The following ULK4 variants were observed in gnomAD, a reference collection of about 807,000 sequenced individuals.
ULK4 encodes inactive serine/threonine-protein kinase ULK4.
Under a neutral mutation model 160.6 loss-of-function variants are expected in ULK4, and 133 were observed. The ratio of observed to expected loss-of-function variants is 0.83; its 90% CI spans 0.72 to 0.96. ULK4 has a LOEUF of 0.96. ULK4 is among the 40% of genes least tolerant of loss of function. The pLI is 0.00. For missense variants in ULK4, 1,580 were observed against 1,499.5 expected, an observed-to-expected ratio of 1.05 and a Z score of -0.89; for synonymous variants, 534 against 539.8, an observed-to-expected ratio of 0.99 and a Z score of 0.15.
chr3:41,326,429 G>A (rs1342122835), intron 35 of ULK4, among the ~76,000 whole-genome samples: 1 of 150,082 alleles, frequency 6.7e-6, no homozygotes, highest in East Asian at 1.9e-4. Context: ...CTTAAAGAGA[G>A]TTATATTTAC....
At chr3:41,545,526 A>G (rs997723249) in intron 32 of ULK4, among the ~76,000 whole-genome samples, 4 of 152,188 alleles carry the variant, frequency 2.6e-5, no homozygotes, top group Admixed American at 2.0e-4. Flanking sequence ...CCCTTTATGT[A>G]ATATATAATT....
chr3:41,674,200 T>C (rs1452266716), intron 29 of ULK4, among the ~76,000 whole-genome samples: 1 of 152,130 alleles, frequency 6.6e-6, no homozygotes, highest in East Asian at 1.9e-4. Context: ...TCTAGTCCCA[T>C]TTACAGATAA....
intron 35 of ULK4, among the ~76,000 whole-genome samples, chr3:41,320,590 T>C (rs1410220016): frequency 2.0e-5 from 3 of 152,132 alleles, no homozygotes; most frequent in Non-Finnish European, 4.4e-5. Flanking sequence ...TGAATATTCT[T>C]CTCAAGTGAT....
At chr3:41,543,181 G>GT (rs1559380874) in intron 32 of ULK4, among the ~76,000 whole-genome samples, 4 of 151,984 alleles carry the variant, frequency 2.6e-5, no homozygotes, top group Non-Finnish European at 5.9e-5. Flanking sequence ...CTTTTTAAAT[G>GT]AAAGTGTCTA....
At chr3:41,710,069 G>A (rs1220527117) in intron 25 of ULK4, among the ~76,000 whole-genome samples, 8 of 151,992 alleles carry the variant, frequency 5.3e-5, no homozygotes, top group African/African-American at 1.4e-4. Flanking sequence ...CTTCCCTTGC[G>A]ACTTTTTAAC....
At chr3:41,940,096 T>C (rs1199072667) in intron 2 of ULK4, among the ~76,000 whole-genome samples, 1 of 151,966 alleles carries the variant, frequency 6.6e-6, no homozygotes, top group Admixed American at 6.6e-5. Flanking sequence ...ACACCTGTTT[T>C]ATTTGAGCTC....
intron 22 of ULK4, among the ~76,000 whole-genome samples, chr3:41,726,837 G>A (rs895919575): frequency 6.6e-5 from 10 of 152,006 alleles, no homozygotes; most frequent in African/African-American, 2.4e-4. Flanking sequence ...TAATAGAAAT[G>A]GGGTTTCACC....
chr3:41,572,136 C>T (rs183092108), intron 31 of ULK4, among the ~76,000 whole-genome samples: 45 of 152,342 alleles, frequency 3.0e-4, no homozygotes, highest in Admixed American at 1.1e-3. Flanking sequence ...ACTTGCCAAA[C>T]TCTTCATTGG....
chr3:41,289,949 C>T (rs2079530835), intron 35 of ULK4, among the ~76,000 whole-genome samples: 1 of 152,094 alleles, frequency 6.6e-6, no homozygotes, highest in Non-Finnish European at 1.5e-5. Context: ...GATCTCGGTT[C>T]ACTGTAACTG....
At chr3:41,301,738 T>C (rs528912909) in intron 35 of ULK4, among the ~76,000 whole-genome samples, 4 of 152,316 alleles carry the variant, frequency 2.6e-5, no homozygotes, top group Admixed American at 6.5e-5. Flanking sequence ...TTAATGCACA[T>C]TGTCAGATAT....
intron 30 of ULK4, 92 bp downstream of exon 30, chr3:41,663,515 T>G: frequency 1.7e-6 from 2 of 1,210,874 alleles, no homozygotes; most frequent in Non-Finnish European, 2.4e-6. Flanking sequence ...AACATTAGTC[T>G]TTTGGAATCT....
chr3:41,427,209 C>T (rs1263594976), intron 34 of ULK4, among the ~76,000 whole-genome samples: 1 of 152,074 alleles, frequency 6.6e-6, no homozygotes, highest in African/African-American at 2.4e-5. Flanking sequence ...CAAGACTGAA[C>T]CAGGAAGAAA....
At chr3:41,888,439 CTCTA>C (rs1255469424) in intron 16 of ULK4, among the ~76,000 whole-genome samples, 3 of 152,194 alleles carry the variant, frequency 2.0e-5, no homozygotes, top group African/African-American at 4.8e-5. Context: ...CAAGGGAATC[CTCTA>C]TCTAAGAATC....
chr3:41,749,996 G>A (rs2038559786), intron 22 of ULK4, among the ~76,000 whole-genome samples: 1 of 152,144 alleles, frequency 6.6e-6, no homozygotes, highest in Admixed American at 6.5e-5. Context: ...AGAAAGTGAG[G>A]ATGTCAGTCC....
At chr3:41,677,080 T>C (rs1030063355) in intron 29 of ULK4, among the ~76,000 whole-genome samples, 7 of 151,922 alleles carry the variant, frequency 4.6e-5, no homozygotes, top group African/African-American at 1.7e-4. Flanking sequence ...ATAATTTTTG[T>C]ATTTTTTTTC....
chr3:41,313,691 G>A (rs137990217), intron 35 of ULK4, among the ~76,000 whole-genome samples: 1 of 152,086 alleles, frequency 6.6e-6, no homozygotes, highest in Non-Finnish European at 1.5e-5. Flanking sequence ...CTAAGGTGCT[G>A]CTTTAGTTAA....
At chr3:41,805,371 A>G (rs1325414908) in intron 19 of ULK4, among the ~76,000 whole-genome samples, 1 of 152,210 alleles carries the variant, frequency 6.6e-6, no homozygotes, top group Non-Finnish European at 1.5e-5. Flanking sequence ...TATCAGCTTA[A>G]GGAGATTTTG....
At chr3:41,891,325 C>T (rs141989992) in intron 16 of ULK4, among the ~76,000 whole-genome samples, 2,656 of 55,062 alleles carry the variant, frequency 0.048, 270 homozygotes, top group African/African-American at 0.17. Flanking sequence ...AAGGAAGGGA[C>T]GGGACAAGAC....
chr3:41,763,251 C>G (rs2039048752), intron 21 of ULK4, among the ~76,000 whole-genome samples: 1 of 152,012 alleles, frequency 6.6e-6, no homozygotes, highest in African/African-American at 2.4e-5. Flanking sequence ...CGAATTAAAT[C>G]TCCAACATAA....
Sources: allele counts gnomAD v4.1 joint callset (sites outside exome capture counted in the v4.1 genomes callset), GRCh38; gene constraint gnomAD v4.1.1; transcripts MANE v1.5; gene names NCBI Gene and HGNC (gene_info 2026-07-23, HGNC 2026-07-21).